Variants in GSE1 observed in about 807,000 individuals in gnomAD.
GSE1 encodes the protein genetic suppressor element 1.
Under a neutral mutation model 112.6 loss-of-function variants are expected in GSE1, and 32 were observed. That is an observed-to-expected ratio of 0.28 (90% CI 0.21 to 0.38). The LOEUF is 0.38. GSE1 is among the 10% of genes least tolerant of loss of function. The probability of loss-of-function intolerance (pLI) is 1.00; values close to 1 mark genes in which losing one functional copy is unlikely to be tolerated. For synonymous variants in GSE1, 1,115 were observed against 735.6 expected (o/e 1.52, Z -8.35); for missense variants, 2,348 against 1,699.2 (o/e 1.38, Z -6.71).
At chr16:85,509,929 C>T (rs2051675807) in intron 2 of GSE1, among the ~76,000 whole-genome samples, 2 of 152,208 alleles carry the variant, frequency 1.3e-5, no homozygotes, top group African/African-American at 4.8e-5. Flanking sequence ...TGACAAGAGC[C>T]ATTTCCAAGA....
intron 2 of GSE1, among the ~76,000 whole-genome samples, chr16:85,457,693 C>T (rs1276046742): frequency 6.6e-6 from 1 of 152,208 alleles, no homozygotes; most frequent in Non-Finnish European, 1.5e-5. Flanking sequence ...GGGGTGATTG[C>T]ACCCCCACCC....
intron 2 of GSE1, among the ~76,000 whole-genome samples, chr16:85,640,146 C>T (rs1310221602): frequency 6.6e-6 from 1 of 152,196 alleles, no homozygotes; most frequent in Non-Finnish European, 1.5e-5. Context: ...ACCCATGGTG[C>T]AGGGAGCTGG....
At chr16:85,172,641 C>T (rs972514149) in intron 1 of GSE1, among the ~76,000 whole-genome samples, 3 of 152,364 alleles carry the variant, frequency 2.0e-5, no homozygotes, top group South Asian at 2.1e-4. Flanking sequence ...ACCCGGCCAC[C>T]GGGGCATGGA....
intron 14 of GSE1, 108 bp downstream of exon 14, chr16:85,668,532 C>T (rs1457056058): frequency 2.7e-6 from 2 of 738,832 alleles, no homozygotes; most frequent in African/African-American, 1.7e-5. Context: ...GACTGTTTCT[C>T]CGTCCTGGGG....
intron 2 of GSE1, among the ~76,000 whole-genome samples, chr16:85,510,625 G>T (rs1334552955): frequency 6.6e-6 from 1 of 152,204 alleles, no homozygotes; most frequent in East Asian, 1.9e-4. Context: ...AGCCTTTTTA[G>T]GGAGGCTGCC....
intron 1 of GSE1, among the ~76,000 whole-genome samples, chr16:85,231,935 G>A (rs1226625072): frequency 1.3e-5 from 2 of 152,232 alleles, no homozygotes; most frequent in Admixed American, 6.5e-5. Context: ...TCTGGTGGGT[G>A]TCTCTCTGGT....
intron 2 of GSE1, chr16:85,463,063 G>C (rs1352721548): frequency 1.0e-6 from 1 of 984,452 alleles, no homozygotes; most frequent in African/African-American, 1.7e-5. Context: ...CGGGTCCCGC[G>C]GCCCGGGGGG....
At chr16:85,331,479 A>G (rs138287588) in intron 1 of GSE1, among the ~76,000 whole-genome samples, 8,961 of 130,682 alleles carry the variant, frequency 0.069, 490 homozygotes, top group Non-Finnish European at 0.088. Flanking sequence ...ATATGTATAT[A>G]TGTGTATATA....
chr16:85,545,058 C>T (rs2044650096), intron 2 of GSE1, among the ~76,000 whole-genome samples: 1 of 152,238 alleles, frequency 6.6e-6, no homozygotes, highest in South Asian at 2.1e-4. Flanking sequence ...ATTGGCTCTG[C>T]ACAATGCAGA....
chr16:85,444,002 T>TTTC (rs1450672378), intron 2 of GSE1, among the ~76,000 whole-genome samples: 2 of 144,134 alleles, frequency 1.4e-5, no homozygotes, highest in African/African-American at 5.1e-5. Flanking sequence ...TTTTTTTTTT[T>TTTC]TGAGACGGAG....
intron 1 of GSE1, among the ~76,000 whole-genome samples, chr16:85,326,483 T>C (rs1440190561): frequency 5.3e-5 from 8 of 152,320 alleles, no homozygotes; most frequent in African/African-American, 1.9e-4. Flanking sequence ...TGGGAAGTGA[T>C]TGGATCTTGG....
rs888376227 is a variant in GSE1, at chr16:85,269,064, T to C, written c.2284-88399T>C. ...CTGGACAGTGACCCTGGGGTGGGCA[T>C]GCCCTGCATTTTACAGATGGACAAA... is the stretch of plus-strand genomic sequence containing the variant. On this transcript the variant is annotated intron_variant, in intron 1 of 2. Transcript: ENST00000637419. 5.4e-5 allele frequency among the ~76,000 whole-genome samples: 8 copies of C among 149,376 alleles called. 1 individual carries two copies. The highest frequency in any genetic ancestry group is 1.2e-4 in the African/African-American group (5 of 41,294).
chr16:85,315,292 C>G (rs771602275), intron 1 of GSE1, among the ~76,000 whole-genome samples: 12 of 152,332 alleles, frequency 7.9e-5, no homozygotes, highest in Non-Finnish European at 1.6e-4. Flanking sequence ...TGCTCTCCTG[C>G]AGTCCGGTCT....
At chr16:85,265,488 C>T (rs922841942) in intron 1 of GSE1, among the ~76,000 whole-genome samples, 2 of 152,158 alleles carry the variant, frequency 1.3e-5, no homozygotes, top group African/African-American at 4.8e-5. Flanking sequence ...AGGCCAATTC[C>T]TGGCCTTTTC....
intron 8 of GSE1, among the ~76,000 whole-genome samples, chr16:85,660,628 GTC>G (rs2052350330): frequency 6.6e-6 from 1 of 151,778 alleles, no homozygotes; most frequent in South Asian, 2.1e-4. Flanking sequence ...GACAGAGTGA[GTC>G]TTTTTTTTTG....
intron 2 of GSE1, among the ~76,000 whole-genome samples, chr16:85,544,026 G>C (rs1442753588): frequency 1.3e-5 from 2 of 152,226 alleles, no homozygotes; most frequent in South Asian, 2.1e-4. Context: ...GTAGAGATGG[G>C]TTTTCGCCAC....
In GSE1 at chr16:85,509,495, C is replaced by T. The variant is rs1285501733; in HGVS notation, c.2465-124419C>T. Among the ~76,000 whole-genome samples the T allele has an allele frequency of 2.6e-5, 4 of 152,238 alleles. No homozygotes were observed. The East Asian group carries it at 5.8e-4, about 22-fold the overall frequency. On this transcript the variant is annotated intron_variant, in intron 2 of 2. Coordinates refer to the GSE1 transcript ENST00000637419. ...TCCAGAGTACGAAGGGGTCATCGTC[C>T]TTGGTCACCCACCTGGAGGGTCCGA...
chr16:85,426,421 A>C (rs1229029666), intron 2 of GSE1, among the ~76,000 whole-genome samples: 1 of 116,854 alleles, frequency 8.6e-6, no homozygotes, highest in Non-Finnish European at 1.7e-5. Context: ...TGGATGAGTG[A>C]ATGGATGAAT....
At chr16:85,648,278 G>A (rs887631525) in intron 2 of GSE1, among the ~76,000 whole-genome samples, 1 of 152,106 alleles carries the variant, frequency 6.6e-6, no homozygotes, top group Non-Finnish European at 1.5e-5. Flanking sequence ...GCGGCCCTGG[G>A]CACCAGAGCA....
Sources: gnomAD v4.1 joint callset for allele counts (sites outside exome capture counted in the v4.1 genomes callset) on GRCh38, gnomAD v4.1.1 for gene constraint, MANE v1.5 for transcripts, NCBI Gene and HGNC (gene_info 2026-07-23, HGNC 2026-07-21) for gene names.